GNB5: variants seen among roughly 807,000 people sequenced by gnomAD.
The protein encoded by GNB5 is guanine nucleotide-binding protein subunit beta-5.
A neutral mutation model predicts 55.3 loss-of-function variants in GNB5; 37 were observed. The observed-to-expected ratio is 0.67, with a 90% CI of 0.51 to 0.88. The LOEUF is 0.88. GNB5 is among the 40% of genes least tolerant of loss of function. GNB5 has a pLI of 0.00. For missense variants in GNB5, 476 were observed against 515.3 expected, an observed-to-expected ratio of 0.92 and a Z score of 0.74; for synonymous variants, 219 against 198.5, an observed-to-expected ratio of 1.10 and a Z score of -0.87.
intron 3 of GNB5, among the ~76,000 whole-genome samples, chr15:52,178,081 C>A (rs903425945): frequency 1.3e-5 from 2 of 152,206 alleles, no homozygotes; most frequent in Non-Finnish European, 2.9e-5. Context: ...AGGCATGCAG[C>A]CTGCACTATT....
chr15:52,176,358 G>T (rs1195279417), intron 3 of GNB5, among the ~76,000 whole-genome samples: 1 of 152,182 alleles, frequency 6.6e-6, no homozygotes, highest in East Asian at 1.9e-4. Context: ...CTCGCTCATC[G>T]CACAGATGGG....
intron 3 of GNB5, among the ~76,000 whole-genome samples, chr15:52,171,288 A>ATCCAT (rs2034550459): frequency 6.6e-6 from 1 of 152,038 alleles, no homozygotes; most frequent in Non-Finnish European, 1.5e-5. Flanking sequence ...ATTGTGCTGA[A>ATCCAT]TGTTAAAACT....
chr15:52,116,930 C>A lies in GNB5; in HGVS notation c.*5827G>T, dbSNP rs1251519081. 7.7e-6 allele frequency: 1 copy of A among 129,302 alleles called. No individual in the cohort carries two copies. The allele number at this position is 129,302 out of a possible 1,614,324, so 8.0% of individuals were successfully genotyped here. ...AACCTTTGTTTTTCTTTTTTTTTTT[C>A]TTTGTTTTTTTGAGTCAGAGTCTCG... On this transcript the variant is annotated 3_prime_UTR_variant, in exon 13 of 13. Transcript: ENST00000261837.
intron 2 of GNB5, chr15:52,180,371 G>A (rs1046389183): frequency 1.3e-5 from 2 of 152,570 alleles, no homozygotes; most frequent in Admixed American, 1.3e-4. Context: ...GAGAGGACGG[G>A]AGAGGAGACG....
intron 7 of GNB5, 100 bp from the exon 8 acceptor site, chr15:52,135,856 C>A: frequency 6.1e-6 from 3 of 495,536 alleles, no homozygotes; most frequent in Admixed American, 3.7e-5. Flanking sequence ...AAGCAGAACA[C>A]ACACACACAC....
At chr15:52,159,036 A>G (rs922631542) in intron 3 of GNB5, among the ~76,000 whole-genome samples, 4 of 152,164 alleles carry the variant, frequency 2.6e-5, no homozygotes, top group African/African-American at 9.7e-5. Context: ...AGATGAGAGG[A>G]GGTCCTAGGT....
Sources: allele counts gnomAD v4.1 joint callset (sites outside exome capture counted in the v4.1 genomes callset), GRCh38; gene constraint gnomAD v4.1.1; transcripts MANE v1.5; gene names NCBI Gene and HGNC (gene_info 2026-07-23, HGNC 2026-07-21).